The following TBC1D22A variants were observed in gnomAD, a reference collection of about 807,000 sequenced individuals.
TBC1D22A encodes putative GTPase activator.
TBC1D22A carries 38 observed loss-of-function variants against 60.2 expected under a neutral mutation model. That is an observed-to-expected ratio of 0.63 (90% CI 0.49 to 0.83). The LOEUF (loss-of-function observed/expected upper bound fraction) is 0.83. Among genes scored for constraint, TBC1D22A ranks in the 40% least tolerant of loss-of-function variants. TBC1D22A has a pLI of 0.00. For synonymous variants in TBC1D22A, 302 were observed against 281.7 expected, an observed-to-expected ratio of 1.07 and a Z score of -0.72; for missense variants, 628 against 701.0, an observed-to-expected ratio of 0.90 and a Z score of 1.18.
At chr22:46,850,221 C>T (rs528971868) in intron 4 of TBC1D22A, among the ~76,000 whole-genome samples, 42 of 152,294 alleles carry the variant, frequency 2.8e-4, no homozygotes, top group African/African-American at 9.9e-4. Context: ...CCCTGTCTCT[C>T]AGGAGACAGG....
rs9680865 is a variant in TBC1D22A, at chr22:47,172,901, C to T, written c.1426-597C>T. On this transcript the variant is annotated intron_variant, in intron 12 of 12. Coordinates refer to ENST00000337137, the MANE Select transcript of TBC1D22A (RefSeq NM_014346.5). ...CTGGGCTCCCGGGGTGGGCCTGAGCCGGCTCCGTTCTGTGATCCCCTCGTG... is the reference window on the plus strand; with the variant it reads ...CTGGGCTCCCGGGGTGGGCCTGAGCTGGCTCCGTTCTGTGATCCCCTCGTG... Among the ~76,000 whole-genome samples, 1,261 of 152,322 alleles carry T rather than the reference C, an allele frequency of 8.3e-3. 9 individuals are homozygous for T. Among genetic ancestry groups the T allele is most frequent in the South Asian group, 0.038 (185 of 4,812 alleles).
intron 11 of TBC1D22A, among the ~76,000 whole-genome samples, chr22:47,050,080 C>T (rs759258328): frequency 6.6e-5 from 10 of 152,024 alleles, no homozygotes; most frequent in Non-Finnish European, 8.8e-5. Flanking sequence ...TCTCAGCCCA[C>T]TGCAACCTCT....
intron 8 of TBC1D22A, among the ~76,000 whole-genome samples, chr22:46,948,943 T>C (rs9616172): frequency 0.057 from 8,680 of 152,166 alleles, 357 homozygotes; most frequent in Non-Finnish European, 0.088. Flanking sequence ...GCCACACAGG[T>C]AGATCAGCCT....
chr22:47,124,416 C>T (rs1199123839), intron 12 of TBC1D22A, among the ~76,000 whole-genome samples: 2 of 152,156 alleles, frequency 1.3e-5, no homozygotes, highest in African/African-American at 4.8e-5. Flanking sequence ...ACAGGCTGCC[C>T]ACGCCAGGCC....
intron 4 of TBC1D22A, among the ~76,000 whole-genome samples, chr22:46,877,498 G>C (rs2067622970): frequency 1.3e-5 from 2 of 152,164 alleles, no homozygotes; most frequent in Admixed American, 1.3e-4. Flanking sequence ...CAGATATGAG[G>C]TTCCTGCTTT....
intron 7 of TBC1D22A, among the ~76,000 whole-genome samples, chr22:46,897,264 C>A (rs2068725909): frequency 4.6e-5 from 7 of 152,136 alleles, no homozygotes; most frequent in Admixed American, 4.6e-4. Flanking sequence ...ACTGGATTTT[C>A]TGGGGTTTAA....
chr22:47,144,283 G>A (rs991954662), intron 12 of TBC1D22A, among the ~76,000 whole-genome samples: 4 of 152,198 alleles, frequency 2.6e-5, no homozygotes, highest in Admixed American at 2.0e-4. Context: ...GGCCGCAGCC[G>A]CCCGTTTCCC....
intron 10 of TBC1D22A, among the ~76,000 whole-genome samples, chr22:47,034,157 G>A: frequency 6.6e-6 from 1 of 152,318 alleles, no homozygotes; most frequent in Non-Finnish European, 1.5e-5. Context: ...TAATAAAGCG[G>A]CAGTGGATTA....
chr22:46,789,412 G>A, intron 1 of TBC1D22A: 1 of 455,914 alleles, frequency 2.2e-6, no homozygotes, highest in Non-Finnish European at 4.5e-6. Flanking sequence ...GTGCTCCTGT[G>A]ACATGCTCTT....
intron 12 of TBC1D22A, among the ~76,000 whole-genome samples, chr22:47,133,828 A>G (rs2066766559): frequency 2.0e-5 from 3 of 152,240 alleles, no homozygotes; most frequent in Non-Finnish European, 1.5e-5. Flanking sequence ...TCAGGCTGGC[A>G]GCACGATCAA....
At chr22:46,796,051 G>C (rs1569045597) in intron 3 of TBC1D22A, among the ~76,000 whole-genome samples, 1 of 152,196 alleles carries the variant, frequency 6.6e-6, no homozygotes, top group Non-Finnish European at 1.5e-5. Context: ...GACGCCCCGG[G>C]CTGGAGCCCC....
intron 8 of TBC1D22A, among the ~76,000 whole-genome samples, chr22:46,970,920 G>A (rs2074022984): frequency 6.6e-6 from 1 of 152,148 alleles, no homozygotes. Flanking sequence ...ACCAGCCCGT[G>A]GGTATTTTCT....
At chr22:46,882,935 A>G (rs974585382) in intron 5 of TBC1D22A, among the ~76,000 whole-genome samples, 2 of 152,250 alleles carry the variant, frequency 1.3e-5, no homozygotes, top group African/African-American at 4.8e-5. Flanking sequence ...TTCAATGAAG[A>G]AGGACGAGAA....
At chr22:46,970,368 C>G (rs1414735379) in intron 8 of TBC1D22A, among the ~76,000 whole-genome samples, 1 of 152,192 alleles carries the variant, frequency 6.6e-6, no homozygotes, top group Non-Finnish European at 1.5e-5. Context: ...TCCTTTGAAC[C>G]CTGGGATTGC....
At chr22:46,837,083 C>T (rs1490962983) in intron 4 of TBC1D22A, among the ~76,000 whole-genome samples, 1 of 151,910 alleles carries the variant, frequency 6.6e-6, no homozygotes, top group Non-Finnish European at 1.5e-5. Context: ...TATGATCACA[C>T]CCCTGGGTTC....
chr22:46,875,527 C>T lies in TBC1D22A; in HGVS notation c.638-3126C>T, dbSNP rs191878573. 3.7e-3 allele frequency among the ~76,000 whole-genome samples: 567 copies of T among 152,196 alleles called. 7 individuals carry two copies. Among genetic ancestry groups the T allele is most frequent in the African/African-American group, 0.013 (549 of 41,516 alleles). On this transcript the variant is annotated intron_variant, in intron 4 of 12. Coordinates refer to ENST00000337137, the MANE Select transcript of TBC1D22A (RefSeq NM_014346.5). ...GGTGCAGTAGCGTGATCTCGGCTCA[C>T]TGCAGCCTCCGCCTCCCAGGTTCAA...
At chr22:46,986,474 A>G (rs2074727528) in intron 9 of TBC1D22A, among the ~76,000 whole-genome samples, 1 of 151,478 alleles carries the variant, frequency 6.6e-6, no homozygotes, top group African/African-American at 2.4e-5. Context: ...CATACTGACA[A>G]TATTAGCAAT....
chr22:47,108,130 C>A (rs2065703722), intron 11 of TBC1D22A, among the ~76,000 whole-genome samples: 2 of 152,184 alleles, frequency 1.3e-5, no homozygotes, highest in Admixed American at 1.3e-4. Flanking sequence ...AGGTTTATAT[C>A]AAAACTAGTG....
intron 10 of TBC1D22A, among the ~76,000 whole-genome samples, chr22:47,015,134 C>A (rs964228098): frequency 3.3e-5 from 5 of 152,230 alleles, no homozygotes; most frequent in African/African-American, 1.2e-4. Flanking sequence ...ACAGAGCCAC[C>A]GTCGGAGTCA....
Sources: allele counts gnomAD v4.1 joint callset (sites outside exome capture counted in the v4.1 genomes callset), GRCh38; gene constraint gnomAD v4.1.1; transcripts MANE v1.5; gene names NCBI Gene and HGNC (gene_info 2026-07-23, HGNC 2026-07-21).